YEATS4: variants seen among roughly 807,000 people sequenced by gnomAD.
YEATS4 encodes YEATS domain containing 4.
In YEATS4, 17 loss-of-function variants were observed where a neutral mutation model predicts 30.1. That is an observed-to-expected ratio of 0.56 (90% CI 0.39 to 0.85). The LOEUF is 0.85. YEATS4 is among the 40% of genes least tolerant of loss of function. YEATS4 has a pLI of 0.00. For missense variants in YEATS4, 142 were observed against 268.3 expected, an observed-to-expected ratio of 0.53 and a Z score of 3.29; for synonymous variants, 85 against 87.5, an observed-to-expected ratio of 0.97 and a Z score of 0.16.
At chr12:69,382,668 C>T (rs1876125614) in intron 6 of YEATS4, among the ~76,000 whole-genome samples, 2 of 152,162 alleles carry the variant, frequency 1.3e-5, no homozygotes, top group Non-Finnish European at 2.9e-5. Context: ...GGAGTTGGTA[C>T]CAAAGCTTAA....
downstream of YEATS4, among the ~76,000 whole-genome samples, chr12:69,394,417 A>G (rs1039329059): frequency 2.6e-5 from 4 of 152,254 alleles, no homozygotes; most frequent in Non-Finnish European, 5.9e-5. Flanking sequence ...TTGAATAGGC[A>G]GTTCACTGAA....
At chr12:69,369,890 G>A (rs1875575493) in intron 4 of YEATS4, among the ~76,000 whole-genome samples, 1 of 152,112 alleles carries the variant, frequency 6.6e-6, no homozygotes, top group African/African-American at 2.4e-5. Context: ...TGTTAATTGA[G>A]CTAGATTGTC....
At chr12:69,374,915 C>T (rs1444920381) in intron 6 of YEATS4, among the ~76,000 whole-genome samples, 14 of 152,066 alleles carry the variant, frequency 9.2e-5, no homozygotes, top group Admixed American at 2.6e-4. Flanking sequence ...GACGGGGTGG[C>T]GGCCGGGCAG....
Position 69,359,942 on chromosome 12 carries a change from C to T in YEATS4, c.-31C>T. The stretch of plus-strand genomic sequence containing the variant: ...ACCCCGCCAGCCCCGGTCTCTTTCC[C>T]TGGCGGCGGCGGCTTCTTCCGTGGG... On this transcript the variant is annotated 5_prime_UTR_variant, in exon 1 of 7. Coordinates refer to ENST00000247843, the MANE Select transcript of YEATS4 (RefSeq NM_006530.4). The T allele has an allele frequency of 1.2e-6, 2 of 1,611,788 alleles. No homozygotes were observed. The highest frequency in any genetic ancestry group is 1.7e-6 in the Non-Finnish European group (2 of 1,178,872).
chr12:69,368,856 T>C (rs1484388151), intron 4 of YEATS4, among the ~76,000 whole-genome samples: 5 of 152,180 alleles, frequency 3.3e-5, no homozygotes, highest in African/African-American at 9.7e-5. Flanking sequence ...TCATATTGGA[T>C]TGTGGTCCAC....
the YEATS4 span, chr12:69,422,954 C>T: frequency 6.6e-6 from 1 of 152,326 alleles, no homozygotes; most frequent in Non-Finnish European, 1.5e-5. Context: ...CTGATTTAGA[C>T]CTAATGGTGC....
chr12:69,402,081 G>A, the YEATS4 span, among the ~76,000 whole-genome samples: 1 of 152,190 alleles, frequency 6.6e-6, no homozygotes, highest in Admixed American at 6.5e-5. Flanking sequence ...CCCTTGGTAA[G>A]CCTCTCATCT....
At chr12:69,426,752 A>G in the YEATS4 span, among the ~76,000 whole-genome samples, 5 of 152,204 alleles carry the variant, frequency 3.3e-5, no homozygotes, top group Admixed American at 2.0e-4. Flanking sequence ...TAAGGAAACC[A>G]TTATCTATGG....
At chr12:69,360,081 C>A (rs1273541954) in intron 1 of YEATS4, 58 bp downstream of exon 1, 3 of 1,583,478 alleles carry the variant, frequency 1.9e-6, no homozygotes, top group South Asian at 1.1e-5. Flanking sequence ...TTCCTCCCTG[C>A]GCGGCGCGGG....
the YEATS4 span, among the ~76,000 whole-genome samples, chr12:69,402,084 T>A: frequency 6.6e-6 from 1 of 152,182 alleles, no homozygotes; most frequent in Non-Finnish European, 1.5e-5. Context: ...TTGGTAAGCC[T>A]CTCATCTGGG....
chr12:69,367,218 C>G (rs1216055857), intron 4 of YEATS4, among the ~76,000 whole-genome samples: 3 of 152,162 alleles, frequency 2.0e-5, no homozygotes, highest in African/African-American at 7.2e-5. Flanking sequence ...TTACTGATTA[C>G]TATTCCTACC....
intron 1 of YEATS4, 25 bp downstream of exon 1, chr12:69,360,048 C>T: frequency 1.2e-6 from 2 of 1,610,258 alleles, no homozygotes; most frequent in Admixed American, 1.7e-5. Flanking sequence ...CGCCCCTCTT[C>T]CGGGGTGGCT....
chr12:69,380,752 G>A (rs1254238980), intron 6 of YEATS4, among the ~76,000 whole-genome samples: 5 of 152,240 alleles, frequency 3.3e-5, no homozygotes, highest in East Asian at 1.9e-4. Context: ...CCTAAGTGCC[G>A]GCCAGTCTGA....
chr12:69,398,877 G>A, the YEATS4 span, among the ~76,000 whole-genome samples: 1 of 151,770 alleles, frequency 6.6e-6, no homozygotes, highest in South Asian at 2.1e-4. Context: ...TTGGCCGGGT[G>A]TGGTGGCTCA....
At chr12:69,363,552 C>T (rs1018699866) in intron 2 of YEATS4, among the ~76,000 whole-genome samples, 2 of 152,112 alleles carry the variant, frequency 1.3e-5, no homozygotes, top group Non-Finnish European at 2.9e-5. Context: ...AGCAGCTAAT[C>T]CTTAAAGTAA....
At chr12:69,394,406 C>G (rs943302396), downstream of YEATS4, among the ~76,000 whole-genome samples, 3 of 152,134 alleles carry the variant, frequency 2.0e-5, no homozygotes, top group African/African-American at 7.2e-5. Flanking sequence ...GAGCAAAAGA[C>G]TTGAATAGGC....
chr12:69,366,073 T>C (rs1461778288), intron 4 of YEATS4, among the ~76,000 whole-genome samples, 189 bp downstream of exon 4: 1 of 151,712 alleles, frequency 6.6e-6, no homozygotes, highest in East Asian at 1.9e-4. Context: ...TTTTCAAGTA[T>C]GGAAAAAAAC....
chr12:69,384,080 T>A (rs1876180172), intron 6 of YEATS4, among the ~76,000 whole-genome samples: 1 of 152,254 alleles, frequency 6.6e-6, no homozygotes, highest in African/African-American at 2.4e-5. Context: ...TATAATTTTG[T>A]GACTTAGGTA....
chr12:69,418,070 T>C, the YEATS4 span, among the ~76,000 whole-genome samples: 3 of 152,206 alleles, frequency 2.0e-5, no homozygotes, highest in Non-Finnish European at 4.4e-5. Context: ...ATTCTTCTGA[T>C]AGAGACAGAT....
Sources: gnomAD v4.1 joint callset for allele counts (sites outside exome capture counted in the v4.1 genomes callset) on GRCh38, gnomAD v4.1.1 for gene constraint, MANE v1.5 for transcripts, NCBI Gene and HGNC (gene_info 2026-07-23, HGNC 2026-07-21) for gene names.